Variants in ZNF254 observed in about 807,000 individuals in gnomAD.
ZNF254 encodes CTD-2017D11.1.
ZNF254 carries 10 observed loss-of-function variants against 12.4 expected under a neutral mutation model. The observed-to-expected ratio is 0.80, with a 90% CI of 0.50 to 1.36. The LOEUF (loss-of-function observed/expected upper bound fraction) is 1.36. Ranked by LOEUF, ZNF254 falls within the 40% of genes most tolerant of loss-of-function variation. ZNF254 has a pLI of 0.00. For synonymous variants in ZNF254, 305 were observed against 253.4 expected, an observed-to-expected ratio of 1.20 and a Z score of -1.93; for missense variants, 996 against 763.9, an observed-to-expected ratio of 1.30 and a Z score of -3.58.
intron 3 of ZNF254, among the ~76,000 whole-genome samples, chr19:24,117,501 G>A (rs527648451): frequency 6.6e-6 from 1 of 152,328 alleles, no homozygotes; most frequent in African/African-American, 2.4e-5. Flanking sequence ...TCCGAGCCAG[G>A]TGCAGGATAT....
chr19:24,063,423 T>C (rs1447817733), intron 2 of ZNF254, among the ~76,000 whole-genome samples: 1 of 152,212 alleles, frequency 6.6e-6, no homozygotes, highest in Non-Finnish European at 1.5e-5. Context: ...TGCTTGGTGT[T>C]GCACCCAGGT....
intron 1 of ZNF254, among the ~76,000 whole-genome samples, chr19:24,089,871 A>C (rs1183337098): frequency 2.0e-5 from 3 of 151,872 alleles, no homozygotes; most frequent in East Asian, 1.9e-4. Context: ...AATAGTAAAA[A>C]ATTTCTAGAA....
At chr19:24,121,250 T>C (rs200610659) in intron 3 of ZNF254, among the ~76,000 whole-genome samples, 1,609 of 152,228 alleles carry the variant, frequency 0.011, 11 homozygotes, top group South Asian at 0.055. Context: ...TGTTTTTTTT[T>C]CCCCATATTC....
rs773909365 is a variant in ZNF254 at position 24,127,961 on chromosome 19, G to A, written c.1961G>A (p.Arg654Lys). ...ACCACAGATAAGATAACTCATTGGA[G>A]AGAAATCTTACAAGTATGAATAATG... is the stretch of plus-strand genomic sequence containing the variant. ...HLTTDKITHW[R>K]EILQV The change falls in exon 4 of 4, where the codon AGA (arginine) becomes AAA (lysine). Residue 654 changes from arginine to lysine, a missense_variant. Physicochemically the swap from Arg to Lys is conservative, Grantham distance 26 (BLOSUM62 2). Transcript: ENST00000357002. 1.3e-6 allele frequency: 2 copies of A among 1,560,146 alleles called. No individual in the cohort carries two copies. The highest frequency in any genetic ancestry group is 2.0e-5 in the Admixed American group (1 of 49,428).
At chr19:24,041,234 C>A (rs1432406519) in intron 1 of ZNF254, among the ~76,000 whole-genome samples, 1 of 152,250 alleles carries the variant, frequency 6.6e-6, no homozygotes, top group Non-Finnish European at 1.5e-5. Flanking sequence ...GCCCTTCAGG[C>A]CCCCCACTGC....
At chr19:24,104,764 A>G (rs536089350) in intron 1 of ZNF254, 1 of 152,244 alleles carries the variant, frequency 6.6e-6, no homozygotes, top group South Asian at 2.1e-4. Flanking sequence ...TTCTGTGGGG[A>G]AAACCTGGGG....
chr19:24,042,613 C>T lies in ZNF254; in HGVS notation c.-189-3571C>T, dbSNP rs1970220276. 2.0e-5 allele frequency among the ~76,000 whole-genome samples: 3 copies of T among 151,920 alleles called. No individual in the cohort carries two copies. In the South Asian group the frequency reaches 6.2e-4, roughly 31 times the overall value. On this transcript the variant is annotated intron_variant, in intron 1 of 4. Transcript: ENST00000613065. Reference sequence around the variant, plus strand: ...GAAGGGACAGACTCCAGACGCGCCACCTTAAGAGCTGTAACACTCACTGCG... The same window carrying T: ...GAAGGGACAGACTCCAGACGCGCCATCTTAAGAGCTGTAACACTCACTGCG...
At chr19:24,088,360 A>G (rs1033497151) in intron 1 of ZNF254, among the ~76,000 whole-genome samples, 2 of 152,008 alleles carry the variant, frequency 1.3e-5, no homozygotes, top group Admixed American at 6.6e-5. Context: ...TTTTTTTAGA[A>G]GTAGAAATCC....
chr19:24,113,673 T>A (rs1199233319), intron 3 of ZNF254, among the ~76,000 whole-genome samples: 32 of 152,200 alleles, frequency 2.1e-4, no homozygotes, highest in South Asian at 8.3e-4. Context: ...TAGTGTTGGA[T>A]GTTCTGGCCA....
rs1975115528 is a variant in ZNF254 at position 24,129,763 on chromosome 19, T to A, written c.*1783T>A. 6.6e-6 allele frequency: 1 copy of A among 151,958 alleles called. No homozygotes were observed. Among genetic ancestry groups the A allele is most frequent in the South Asian group, 2.1e-4 (1 of 4,822 alleles). The allele number at this position is 151,958 out of a possible 1,614,324, so 9.4% of individuals were successfully genotyped here. A position where few individuals can be genotyped will look rare whatever the true frequency, so the allele number is the denominator to read the frequency against. The stretch of plus-strand genomic sequence containing the variant: ...ATTTACAATGTTATTGATTACAGGG[T>A]CATTTTTATGGTCATAATAAAAAAT... On this transcript the variant is annotated 3_prime_UTR_variant, in exon 4 of 4. Coordinates refer to ENST00000357002, the MANE Select transcript of ZNF254 (RefSeq NM_203282.4).
At position 24,049,184 on chromosome 19, in the gene ZNF254, TTA is replaced by T. The variant is rs1159690517; in HGVS notation, c.-94+2935_-94+2936del. ...TTGCTATGTTTTTCAGGCTCTGGTT[TTA>T]TATATATATATATATATATATATAT... On this transcript the variant is annotated intron_variant, in intron 2 of 4. Transcript: ENST00000613065. Among the ~76,000 whole-genome samples the T allele has an allele frequency of 1.4e-3, 89 of 63,156 alleles. 1 individual carries two copies. The highest frequency in any genetic ancestry group is 2.6e-3 in the South Asian group (4 of 1,536). 41.4% of individuals were successfully genotyped at this position (63,156 alleles called of 152,430 possible).
chr19:24,038,850 C>T (rs1970057969), intron 1 of ZNF254, among the ~76,000 whole-genome samples: 1 of 152,208 alleles, frequency 6.6e-6, no homozygotes, highest in African/African-American at 2.4e-5. Context: ...TTTCTATCCC[C>T]CTGGCATCTT....
intron 1 of ZNF254, among the ~76,000 whole-genome samples, chr19:24,094,485 T>C (rs1266661304): frequency 6.6e-6 from 1 of 152,154 alleles, no homozygotes; most frequent in Non-Finnish European, 1.5e-5. Context: ...GGTCTCGAAC[T>C]TCTGATCTCG....
intron 3 of ZNF254, among the ~76,000 whole-genome samples, chr19:24,119,063 G>A (rs1286601971): frequency 2.0e-5 from 3 of 152,006 alleles, no homozygotes; most frequent in Non-Finnish European, 4.4e-5. Context: ...AGTGATTGGA[G>A]AGCATGCCAC....
At chr19:24,086,145 T>G (rs1342584514), upstream of ZNF254, among the ~76,000 whole-genome samples, 2 of 151,896 alleles carry the variant, frequency 1.3e-5, no homozygotes, top group Non-Finnish European at 2.9e-5. Flanking sequence ...AGGCAGAGGT[T>G]GCAGTTAGCC....
At chr19:24,092,745 A>G (rs1049763681) in intron 1 of ZNF254, among the ~76,000 whole-genome samples, 3 of 152,160 alleles carry the variant, frequency 2.0e-5, no homozygotes, top group Non-Finnish European at 2.9e-5. Context: ...TGTCTTTGCT[A>G]TTGTGAATAG....
intron 3 of ZNF254, among the ~76,000 whole-genome samples, chr19:24,121,624 C>A (rs1187848855): frequency 6.6e-6 from 1 of 152,088 alleles, no homozygotes; most frequent in Admixed American, 6.6e-5. Flanking sequence ...GTGGCACGAT[C>A]TTGGCTCACT....
rs1308268374 is a variant in ZNF254, at chr19:24,069,545, C to T, written c.-94+23266C>T. Among the ~76,000 whole-genome samples, 5 of 131,294 alleles carry T rather than the reference C, an allele frequency of 3.8e-5. No homozygotes were observed. In the Admixed American group the frequency reaches 4.3e-4, roughly 11 times the overall value. 86.1% of individuals were successfully genotyped at this position (131,294 alleles called of 152,430 possible). A position where few individuals can be genotyped will look rare whatever the true frequency, so the allele number is the denominator to read the frequency against. On this transcript the variant is annotated intron_variant, in intron 2 of 4. Transcript: ENST00000613065. ...GCTTGAACCCAGGAGGCAGAGGTTG[C>T]AGTGAGCCAAGATCACGCCACTGCC... is the stretch of plus-strand genomic sequence containing the variant.
intron 1 of ZNF254, 73 bp from the exon 2 acceptor site, chr19:24,105,867 T>C: frequency 6.5e-7 from 1 of 1,540,894 alleles, no homozygotes; most frequent in Non-Finnish European, 8.8e-7. Context: ...TTACTCTAAT[T>C]TTACCTTGAG....
Sources: gnomAD v4.1 joint callset for allele counts (sites outside exome capture counted in the v4.1 genomes callset) on GRCh38, gnomAD v4.1.1 for gene constraint, MANE v1.5 for transcripts, NCBI Gene and HGNC (gene_info 2026-07-23, HGNC 2026-07-21) for gene names.